Variants in SPAG6 observed in about 807,000 individuals in gnomAD.
SPAG6 encodes the protein sperm-associated antigen 6.
In SPAG6, 49 loss-of-function variants were observed where a neutral mutation model predicts 58.5. The ratio of observed to expected loss-of-function variants is 0.84; its 90% CI spans 0.67 to 1.06. The LOEUF is 1.06. Ranked by LOEUF, SPAG6 falls within the 50% of genes least tolerant of loss-of-function variation. The pLI is 0.00. For missense variants in SPAG6, 560 were observed against 611.3 expected, an observed-to-expected ratio of 0.92 and a Z score of 0.89; for synonymous variants, 233 against 225.6, an observed-to-expected ratio of 1.03 and a Z score of -0.29.
intron 5 of SPAG6, among the ~76,000 whole-genome samples, chr10:22,387,570 A>G (rs1184825485): frequency 6.6e-6 from 1 of 152,150 alleles, no homozygotes; most frequent in Admixed American, 6.5e-5. Flanking sequence ...AGGTCATGTT[A>G]TTTAATCATC....
intron 10 of SPAG6, 32 bp from the exon 11 acceptor site, chr10:22,416,587 A>G (rs1356132790): frequency 7.4e-7 from 1 of 1,360,048 alleles, no homozygotes; most frequent in Non-Finnish European, 1.1e-6. Flanking sequence ...TGATCGTTTC[A>G]CCAGCATTTA....
In SPAG6 at chr10:22,376,048, T is replaced by C. The variant is rs78809041; in HGVS notation, c.472+7370T>C. 4.8e-3 allele frequency among the ~76,000 whole-genome samples: 733 copies of C among 152,322 alleles called. 4 individuals are homozygous for C. The highest frequency in any genetic ancestry group is 8.3e-3 in the Non-Finnish European group (563 of 68,024). ...ACACTTGAACTGAGGCTAGTGCACA[T>C]TGAGGAGCTACATTTTTTATTTTAT... On this transcript the variant is annotated intron_variant, in intron 4 of 10. Transcript: ENST00000376624.
At chr10:22,370,450 G>C (rs1833657517) in intron 4 of SPAG6, among the ~76,000 whole-genome samples, 5 of 152,182 alleles carry the variant, frequency 3.3e-5, no homozygotes, top group Admixed American at 3.3e-4. Flanking sequence ...GGTGGAACTG[G>C]AATTTGAGTC....
chr10:22,372,475 G>A (rs1226249082), intron 4 of SPAG6, among the ~76,000 whole-genome samples: 1 of 152,192 alleles, frequency 6.6e-6, no homozygotes, highest in Non-Finnish European at 1.5e-5. Flanking sequence ...TCAGCTGATG[G>A]CTCAGCCACT....
intron 8 of SPAG6, among the ~76,000 whole-genome samples, chr10:22,398,315 A>G (rs1191168519): frequency 2.0e-5 from 3 of 152,256 alleles, no homozygotes; most frequent in Non-Finnish European, 4.4e-5. Flanking sequence ...CTGGGAATAA[A>G]TATGTGTTAC....
intron 10 of SPAG6, among the ~76,000 whole-genome samples, chr10:22,412,082 G>A (rs923382772): frequency 2.0e-5 from 3 of 151,858 alleles, no homozygotes; most frequent in Non-Finnish European, 1.5e-5. Flanking sequence ...ATATCCTGAC[G>A]TCGTGATCCG....
intron 2 of SPAG6, among the ~76,000 whole-genome samples, chr10:22,354,496 CAGAT>C (rs1412396308): frequency 1.4e-4 from 21 of 152,114 alleles, no homozygotes; most frequent in African/African-American, 3.9e-4. Context: ...GCTCAGGAGA[CAGAT>C]AGCTGGAAAG....
intron 8 of SPAG6, among the ~76,000 whole-genome samples, chr10:22,397,311 T>G (rs924552213): frequency 2.0e-5 from 3 of 152,168 alleles, no homozygotes; most frequent in Admixed American, 2.0e-4. Context: ...TATTTTCTTT[T>G]TTGAGACAGG....
At chr10:22,371,405 C>T (rs576590031) in intron 4 of SPAG6, among the ~76,000 whole-genome samples, 101 of 152,284 alleles carry the variant, frequency 6.6e-4, no homozygotes, top group African/African-American at 2.4e-3. Flanking sequence ...AGGCACACCC[C>T]ACCATGCCCA....
At chr10:22,403,454 G>C (rs1369445637) in intron 9 of SPAG6, among the ~76,000 whole-genome samples, 2 of 152,336 alleles carry the variant, frequency 1.3e-5, no homozygotes, top group Non-Finnish European at 2.9e-5. Flanking sequence ...TCTCTACAAA[G>C]GATGTGAACT....
At chr10:22,392,843 A>G (rs186287527) in intron 8 of SPAG6, among the ~76,000 whole-genome samples, 164 of 152,270 alleles carry the variant, frequency 1.1e-3, no homozygotes, top group African/African-American at 3.7e-3. Flanking sequence ...TAAATTTTAT[A>G]AAAGTAAATT....
At chr10:22,350,287 C>T (rs961203444) in intron 2 of SPAG6, among the ~76,000 whole-genome samples, 1 of 151,686 alleles carries the variant, frequency 6.6e-6, no homozygotes, top group African/African-American at 2.4e-5. Flanking sequence ...ACAATAAGTT[C>T]TAAAAACAAA....
At chr10:22,408,709 G>T (rs1172915143) in intron 9 of SPAG6, among the ~76,000 whole-genome samples, 1 of 152,232 alleles carries the variant, frequency 6.6e-6, no homozygotes, top group South Asian at 2.1e-4. Context: ...GCAAGCCTGG[G>T]CAATGGCGGG....
At chr10:22,379,381 T>C (rs925174116) in intron 4 of SPAG6, among the ~76,000 whole-genome samples, 2 of 152,226 alleles carry the variant, frequency 1.3e-5, no homozygotes, top group Non-Finnish European at 1.5e-5. Context: ...GCAGAGGCAA[T>C]GCTATGCCAC....
intron 2 of SPAG6, among the ~76,000 whole-genome samples, chr10:22,354,943 G>C (rs1180889300): frequency 6.6e-6 from 1 of 150,986 alleles, no homozygotes; most frequent in African/African-American, 2.4e-5. Context: ...GCTGTGAGTT[G>C]AGATCACGCC....
chr10:22,346,648 TTAAAAC>T (rs1157081014), intron 2 of SPAG6, among the ~76,000 whole-genome samples: 1 of 152,126 alleles, frequency 6.6e-6, no homozygotes, highest in Non-Finnish European at 1.5e-5. Context: ...GATGTGATCT[TTAAAAC>T]TAACACATAA....
intron 2 of SPAG6, among the ~76,000 whole-genome samples, chr10:22,364,093 AT>A (rs1406892715): frequency 6.6e-6 from 1 of 152,162 alleles, no homozygotes; most frequent in African/African-American, 2.4e-5. Flanking sequence ...TTCAATATGT[AT>A]TTTTTAACAA....
At chr10:22,363,975 C>G (rs916402500) in intron 2 of SPAG6, among the ~76,000 whole-genome samples, 5 of 152,178 alleles carry the variant, frequency 3.3e-5, no homozygotes, top group Non-Finnish European at 7.3e-5. Flanking sequence ...GCAGTCGACT[C>G]TTTTGCAGAA....
In SPAG6 at chr10:22,411,101, T is replaced by G; in HGVS notation, c.1385T>G (p.Ile462Arg). 6.2e-7 allele frequency: 1 copy of G among 1,614,074 alleles called. No individual in the cohort carries two copies. Among genetic ancestry groups the G allele is most frequent in the South Asian group, 1.1e-5 (1 of 91,070 alleles). The change falls in exon 10 of 11, where the codon ATA (isoleucine) becomes AGA (arginine). Residue 462 changes from isoleucine (I) to arginine (R), a missense_variant. Physicochemically the swap from Ile to Arg is moderately conservative, Grantham distance 97. Transcript: ENST00000376624. ...TSGGLKKVQE[I>R]KAEPGSLLQE... ...GGTGGCCTTAAAAAAGTTCAAGAGA[T>G]AAAAGCAGAACCTGGTTCTCTCCTT...
Sources: gnomAD v4.1 joint callset for allele counts (sites outside exome capture counted in the v4.1 genomes callset) on GRCh38, gnomAD v4.1.1 for gene constraint, MANE v1.5 for transcripts, NCBI Gene and HGNC (gene_info 2026-07-23, HGNC 2026-07-21) for gene names.